The following CTNNA2 variants were observed in gnomAD, a reference collection of about 807,000 sequenced individuals.
CTNNA2 encodes the protein catenin alpha 2, also known as catenin alpha-2.
CTNNA2 carries 42 observed loss-of-function variants against 101.0 expected under a neutral mutation model. That is an observed-to-expected ratio of 0.42 (90% confidence interval 0.32 to 0.54). The LOEUF (loss-of-function observed/expected upper bound fraction) is 0.54. Among genes scored for constraint, CTNNA2 ranks in the 20% least tolerant of loss-of-function variants. The probability of loss-of-function intolerance (pLI) is 0.14; values close to 1 mark genes in which losing one functional copy is unlikely to be tolerated. For synonymous variants in CTNNA2, 450 were observed against 456.4 expected (o/e 0.99, Z 0.18); for missense variants, 871 against 1,223.1 (o/e 0.71, Z 4.29).
rs1018192613 is a variant in CTNNA2, at chr2:79,870,452, C to T, written c.585+517C>T. Among the ~76,000 whole-genome samples, 6 of 118,194 alleles carry T rather than the reference C, an allele frequency of 5.1e-5. No homozygotes were observed. The Admixed American group carries it at 5.8e-4, about 11-fold the overall frequency. The allele number at this position is 118,194 out of a possible 152,430, so 77.5% of individuals were successfully genotyped here. On this transcript the variant is annotated intron_variant, in intron 5 of 18. Transcript: ENST00000402739. ...GGGGAACGGAGAAAGGGAGAGAGAA[C>T]AGGGGGAAAAGGGGAGGGGAGTGGG...
chr2:79,355,375 A>G (rs1437299462), intron 3 of CTNNA2, among the ~76,000 whole-genome samples: 1 of 152,056 alleles, frequency 6.6e-6, no homozygotes. Context: ...GTGTTTTTCC[A>G]TTTGTTTGTG....
At chr2:79,582,607 A>G (rs529351024) in intron 1 of CTNNA2, among the ~76,000 whole-genome samples, 2 of 152,092 alleles carry the variant, frequency 1.3e-5, no homozygotes, top group Non-Finnish European at 2.9e-5. Context: ...CTCAAACCAC[A>G]ATTAGATTCT....
At chr2:80,088,167 G>C (rs1308736013) in intron 7 of CTNNA2, among the ~76,000 whole-genome samples, 1 of 151,902 alleles carries the variant, frequency 6.6e-6, no homozygotes, top group Non-Finnish European at 1.5e-5. Context: ...CACTGTTTTG[G>C]AGGAGAAATA....
intron 1 of CTNNA2, among the ~76,000 whole-genome samples, chr2:79,565,990 G>GA (rs1467027490): frequency 1.3e-5 from 2 of 152,082 alleles, no homozygotes; most frequent in Non-Finnish European, 2.9e-5. Flanking sequence ...AGCCCGAAAA[G>GA]ACAAAATGAA....
At chr2:80,085,062 T>C (rs1336142748) in intron 7 of CTNNA2, among the ~76,000 whole-genome samples, 1 of 152,110 alleles carries the variant, frequency 6.6e-6, no homozygotes, top group Non-Finnish European at 1.5e-5. Context: ...AACTCAGATA[T>C]CTTTTTATGA....
chr2:79,801,227 G>A (rs1676127372), intron 3 of CTNNA2, among the ~76,000 whole-genome samples: 1 of 152,152 alleles, frequency 6.6e-6, no homozygotes, highest in African/African-American at 2.4e-5. Context: ...CCACTGTGGT[G>A]TGACCAGCTT....
intron 7 of CTNNA2, among the ~76,000 whole-genome samples, chr2:80,364,402 G>T (rs1157164853): frequency 6.6e-6 from 1 of 151,844 alleles, no homozygotes; most frequent in East Asian, 1.9e-4. Flanking sequence ...TTAAAACACA[G>T]TTTACAAAAA....
rs933575135 is a variant in CTNNA2 at position 80,337,270 on chromosome 2, G to A, written c.1057-55941G>A. On this transcript the variant is annotated intron_variant, in intron 7 of 18. Coordinates refer to ENST00000402739, the MANE Select transcript of CTNNA2 (RefSeq NM_001282597.3). ...CTCTGGAGGCTGAGGCAGGGGAATC[G>A]CTTGAACCTGGGAGGCTGAGGTTGC... Among the ~76,000 whole-genome samples, 10 of 151,902 alleles carry A rather than the reference G, an allele frequency of 6.6e-5. No homozygotes were observed. The East Asian group carries it at 1.4e-3, about 21-fold the overall frequency.
intron 1 of CTNNA2, among the ~76,000 whole-genome samples, chr2:79,647,257 T>G (rs1680885182): frequency 6.6e-6 from 1 of 152,186 alleles, no homozygotes; most frequent in Non-Finnish European, 1.5e-5. Context: ...TTTTAATGAG[T>G]GTTTACCTGT....
intron 3 of CTNNA2, among the ~76,000 whole-genome samples, chr2:79,849,116 C>G (rs1680472070): frequency 6.6e-6 from 1 of 152,026 alleles, no homozygotes. Context: ...GGCAGTGGCC[C>G]CATCAGACTG....
intron 4 of CTNNA2, among the ~76,000 whole-genome samples, chr2:79,490,650 T>C (rs1350681478): frequency 6.6e-6 from 1 of 152,172 alleles, no homozygotes; most frequent in Non-Finnish European, 1.5e-5. Flanking sequence ...AAGAACACAA[T>C]GAATGGTTAT....
intron 7 of CTNNA2, among the ~76,000 whole-genome samples, chr2:80,337,476 T>C (rs1411459321): frequency 1.3e-5 from 2 of 151,382 alleles, no homozygotes; most frequent in Non-Finnish European, 2.9e-5. Context: ...CCACCCTTTT[T>C]TTCTTTTTTG....
intron 4 of CTNNA2, among the ~76,000 whole-genome samples, chr2:79,476,808 C>T (rs576910678): frequency 6.6e-6 from 1 of 152,318 alleles, no homozygotes; most frequent in South Asian, 2.1e-4. Flanking sequence ...CTTTGCCATC[C>T]CATTCAGGTC....
At position 80,413,210 on chromosome 2, in the gene CTNNA2, CT is replaced by C. The variant is rs1286323726; in HGVS notation, c.1138-6235del. Among the ~76,000 whole-genome samples the C allele has an allele frequency of 1.3e-5, 2 of 152,096 alleles. 1 individual carries two copies. Among genetic ancestry groups the C allele is most frequent in the East Asian group, 3.9e-4 (2 of 5,190 alleles). On this transcript the variant is annotated intron_variant, in intron 8 of 18. Coordinates refer to ENST00000402739, the MANE Select transcript of CTNNA2 (RefSeq NM_001282597.3). The stretch of plus-strand genomic sequence containing the variant: ...AGTGTTGCTAATGATGACAGTTGTA[CT>C]TTTAATTGATCCAGCAGACCTGAAT...
chr2:79,456,444 A>G (rs922640477), intron 4 of CTNNA2, among the ~76,000 whole-genome samples: 2 of 152,196 alleles, frequency 1.3e-5, no homozygotes, highest in Non-Finnish European at 2.9e-5. Flanking sequence ...ATTAAATACA[A>G]TTCCAAATCT....
chr2:79,290,570 C>T (rs1490948404), intron 2 of CTNNA2, among the ~76,000 whole-genome samples: 2 of 152,076 alleles, frequency 1.3e-5, no homozygotes, highest in African/African-American at 2.4e-5. Context: ...GACTCATCGT[C>T]GAGAGGAACA....
At chr2:80,603,717 T>C (rs1697757006) in intron 15 of CTNNA2, 2 of 176,436 alleles carry the variant, frequency 1.1e-5, no homozygotes, top group Admixed American at 1.2e-4. Context: ...ACCTACTTTG[T>C]AGAGTTGTTA....
At chr2:79,494,873 G>A (rs888452327) in intron 4 of CTNNA2, among the ~76,000 whole-genome samples, 2 of 152,084 alleles carry the variant, frequency 1.3e-5, no homozygotes, top group African/African-American at 4.8e-5. Context: ...CACTTTGGGA[G>A]GCCAAGGCGG....
intron 9 of CTNNA2, among the ~76,000 whole-genome samples, chr2:80,503,417 AT>A (rs1420790835): frequency 6.6e-6 from 1 of 152,142 alleles, no homozygotes; most frequent in Non-Finnish European, 1.5e-5. Flanking sequence ...CCAGACTTTT[AT>A]TCATTTATTA....
Sources: gnomAD v4.1 joint callset for allele counts (sites outside exome capture counted in the v4.1 genomes callset) on GRCh38, gnomAD v4.1.1 for gene constraint, MANE v1.5 for transcripts, NCBI Gene and HGNC (gene_info 2026-07-23, HGNC 2026-07-21) for gene names.